ATG10: variants seen among roughly 807,000 people sequenced by gnomAD.
The protein encoded by ATG10 is autophagy related 10, also known as ubiquitin-like-conjugating enzyme ATG10.
Under a neutral mutation model 32.1 loss-of-function variants are expected in ATG10, and 30 were observed. The observed-to-expected ratio is 0.94, with a 90% CI of 0.70 to 1.27. The LOEUF is 1.27. ATG10 is among the 50% of genes most tolerant of loss of function. ATG10 has a pLI of 0.00. For missense variants in ATG10, 233 were observed against 262.3 expected, an observed-to-expected ratio of 0.89 and a Z score of 0.77; for synonymous variants, 87 against 91.5, an observed-to-expected ratio of 0.95 and a Z score of 0.28.
At chr5:82,251,852 T>C (rs187984360) in intron 5 of ATG10, among the ~76,000 whole-genome samples, 1 of 152,306 alleles carries the variant, frequency 6.6e-6, no homozygotes, top group East Asian at 1.9e-4. Context: ...CTATATCTTA[T>C]ATCCAATTAC....
intron 3 of ATG10, among the ~76,000 whole-genome samples, chr5:82,118,187 A>G (rs1440037046): frequency 6.6e-6 from 1 of 150,970 alleles, no homozygotes; most frequent in African/African-American, 2.4e-5. Context: ...GACAGGTTAT[A>G]TTGCCTTTGT....
chr5:82,072,825 T>G (rs1394387339), intron 3 of ATG10, among the ~76,000 whole-genome samples: 3 of 152,188 alleles, frequency 2.0e-5, no homozygotes, highest in Non-Finnish European at 2.9e-5. Context: ...TCAGGAAACC[T>G]GTGATAGACT....
intron 4 of ATG10, among the ~76,000 whole-genome samples, chr5:82,176,217 G>T (rs1744014541): frequency 6.6e-6 from 1 of 152,104 alleles, no homozygotes; most frequent in South Asian, 2.1e-4. Flanking sequence ...TTTATCATTT[G>T]CTCAGTAAAT....
intron 3 of ATG10, among the ~76,000 whole-genome samples, chr5:82,113,122 C>T (rs539653425): frequency 6.6e-5 from 10 of 151,932 alleles, no homozygotes; most frequent in Admixed American, 1.3e-4. Context: ...AAGTCACAGA[C>T]GCCGTTTGTT....
At chr5:82,058,776 C>G (rs1008597203) in intron 3 of ATG10, among the ~76,000 whole-genome samples, 174 bp downstream of exon 3, 2 of 152,140 alleles carry the variant, frequency 1.3e-5, no homozygotes, top group African/African-American at 4.8e-5. Context: ...AAACTTCAAA[C>G]TTCTTCCCAC....
chr5:82,181,576 A>G (rs957626058), intron 5 of ATG10, among the ~76,000 whole-genome samples: 1 of 152,134 alleles, frequency 6.6e-6, no homozygotes, highest in African/African-American at 2.4e-5. Context: ...GCACTAGGGA[A>G]GAATGGGCTG....
chr5:82,138,948 C>CCCTGCCTGATTCT, intron 3 of ATG10, among the ~76,000 whole-genome samples: 1 of 147,662 alleles, frequency 6.8e-6, no homozygotes, highest in South Asian at 2.2e-4. Context: ...ACTGCAACCT[C>CCCTGCCTGATTCT]CCTGCCTGAT....
rs148672247 is a variant in ATG10, at chr5:82,123,676, T to A, written c.217-40723T>A. On this transcript the variant is annotated intron_variant, in intron 3 of 7. Coordinates refer to ENST00000282185, the MANE Select transcript of ATG10 (RefSeq NM_031482.5). ...CAGGCATGGTGGCTTACGCCTGTAA[T>A]CCCAGCACTTTCGGAGACCCAGGTG... Among the ~76,000 whole-genome samples, 489 of 143,760 alleles carry A rather than the reference T, an allele frequency of 3.4e-3. 3 individuals carry two copies. Among genetic ancestry groups the A allele is most frequent in the Middle Eastern group, 0.016 (4 of 246 alleles). 94.3% of individuals were successfully genotyped at this position (143,760 alleles called of 152,430 possible). A position where few individuals can be genotyped will look rare whatever the true frequency, so the allele number is the denominator to read the frequency against.
At chr5:82,219,601 G>A (rs1745836866) in intron 5 of ATG10, among the ~76,000 whole-genome samples, 1 of 152,162 alleles carries the variant, frequency 6.6e-6, no homozygotes, top group Non-Finnish European at 1.5e-5. Context: ...CAGACTAGGA[G>A]CCTAAAACCA....
At chr5:82,139,027 G>T (rs1213851106) in intron 3 of ATG10, among the ~76,000 whole-genome samples, 1 of 150,710 alleles carries the variant, frequency 6.6e-6, no homozygotes, top group Non-Finnish European at 1.5e-5. Flanking sequence ...TGGTTTTGGT[G>T]GAGACGGGGT....
chr5:82,170,844 AG>A (rs1464301028), intron 4 of ATG10, among the ~76,000 whole-genome samples: 1 of 151,972 alleles, frequency 6.6e-6, no homozygotes, highest in Non-Finnish European at 1.5e-5. Context: ...GCTACTTGGG[AG>A]GGTGGGGTGG....
At chr5:82,188,830 G>T (rs1744552804) in intron 5 of ATG10, among the ~76,000 whole-genome samples, 1 of 151,728 alleles carries the variant, frequency 6.6e-6, no homozygotes, top group African/African-American at 2.4e-5. Context: ...TACAATAGTT[G>T]CTGTATACAC....
chr5:82,141,320 T>G (rs1561322497), intron 3 of ATG10, among the ~76,000 whole-genome samples: 2 of 152,224 alleles, frequency 1.3e-5, no homozygotes, highest in Non-Finnish European at 2.9e-5. Flanking sequence ...TATCATGTTT[T>G]AAAGGATTTC....
rs548816624 is a variant in ATG10 at position 82,024,288 on chromosome 5, G to C, written c.109-34207G>C. ...GATGGATTGTTCGACTCTCTTGACA[G>C]GGTAGAGGTAGATATTTGGGTTGGG... On this transcript the variant is annotated intron_variant, in intron 2 of 7. Transcript: ENST00000282185. Among the ~76,000 whole-genome samples the C allele has an allele frequency of 5.6e-4, 54 of 96,036 alleles. No homozygotes were observed. In the Admixed American group the frequency reaches 5.7e-3, roughly 10 times the overall value. 63.0% of individuals were successfully genotyped at this position (96,036 alleles called of 152,430 possible). A position where few individuals can be genotyped will look rare whatever the true frequency, so the allele number is the denominator to read the frequency against.
intron 5 of ATG10, among the ~76,000 whole-genome samples, chr5:82,197,581 T>C (rs1744908973): frequency 6.6e-6 from 1 of 152,124 alleles, no homozygotes; most frequent in Non-Finnish European, 1.5e-5. Context: ...GGTATTTGGA[T>C]GTGGCATGAA....
chr5:82,221,340 CA>C (rs1745917764), intron 5 of ATG10, among the ~76,000 whole-genome samples: 1 of 152,142 alleles, frequency 6.6e-6, no homozygotes, highest in African/African-American at 2.4e-5. Context: ...TTTTGGGAAA[CA>C]TTCATAAGTG....
chr5:82,098,308 GTT>G (rs35693758), intron 3 of ATG10, among the ~76,000 whole-genome samples: 46 of 115,584 alleles, frequency 4.0e-4, no homozygotes, highest in African/African-American at 1.1e-3. Flanking sequence ...TTGTTGTTGG[GTT>G]TTTTTTTTTT....
At chr5:82,044,745 C>T (rs1470876711) in intron 2 of ATG10, among the ~76,000 whole-genome samples, 1 of 152,112 alleles carries the variant, frequency 6.6e-6, no homozygotes, top group Non-Finnish European at 1.5e-5. Context: ...GTTTTCTATT[C>T]TCACTGGTGG....
rs183245809 is a variant in ATG10, at chr5:82,130,712, C to T, written c.217-33687C>T. 4.1e-4 allele frequency among the ~76,000 whole-genome samples: 62 copies of T among 152,228 alleles called. No homozygotes were observed. In the Middle Eastern group the frequency reaches 0.01, roughly 25 times the overall value. On this transcript the variant is annotated intron_variant, in intron 3 of 7. Coordinates refer to ENST00000282185, the MANE Select transcript of ATG10 (RefSeq NM_031482.5). ...CAGTCCCAGTGAGATGAGCCGGGCA[C>T]GTCAGTTGGAAATGCTGAAATCACC...
Sources: gnomAD v4.1 joint callset for allele counts (sites outside exome capture counted in the v4.1 genomes callset) on GRCh38, gnomAD v4.1.1 for gene constraint, MANE v1.5 for transcripts, NCBI Gene and HGNC (gene_info 2026-07-23, HGNC 2026-07-21) for gene names.